CADPS: variants seen among roughly 807,000 people sequenced by gnomAD.
CADPS encodes calcium-dependent secretion activator 1.
Under a neutral mutation model 167.3 loss-of-function variants are expected in CADPS, and 57 were observed. The observed-to-expected ratio is 0.34, with a 90% confidence interval of 0.28 to 0.42. The LOEUF (loss-of-function observed/expected upper bound fraction) is 0.42, where lower values mean the gene tolerates loss of function less well. CADPS is among the 20% of genes least tolerant of loss of function. CADPS has a pLI of 1.00. For synonymous variants in CADPS, 676 were observed against 635.3 expected, an observed-to-expected ratio of 1.06 and a Z score of -0.96; for missense variants, 1,414 against 1,738.1, an observed-to-expected ratio of 0.81 and a Z score of 3.32.
intron 1 of CADPS, among the ~76,000 whole-genome samples, chr3:62,802,576 T>C (rs1177644068): frequency 1.3e-5 from 2 of 152,146 alleles, no homozygotes; most frequent in South Asian, 2.1e-4. Context: ...CTCTGGCTGA[T>C]GGATTTCGAT....
At chr3:62,632,770 G>T (rs746394617) in intron 6 of CADPS, among the ~76,000 whole-genome samples, 2 of 152,112 alleles carry the variant, frequency 1.3e-5, no homozygotes, top group African/African-American at 2.4e-5. Flanking sequence ...GGAAGGGAAT[G>T]CGTTTATTTT....
At chr3:62,521,439 C>G (rs2070557490) in intron 13 of CADPS, among the ~76,000 whole-genome samples, 1 of 152,240 alleles carries the variant, frequency 6.6e-6, no homozygotes, top group East Asian at 1.9e-4. Flanking sequence ...AATAGTAGAG[C>G]TATATTGGTA....
At chr3:62,515,927 G>T (rs144544602) in intron 16 of CADPS, 132 bp downstream of exon 16, 1 of 1,031,624 alleles carries the variant, frequency 9.7e-7, no homozygotes, top group Non-Finnish European at 1.4e-6. Flanking sequence ...GACATTTCAG[G>T]TGCTTCCAGG....
chr3:62,491,366 A>G lies in CADPS; in HGVS notation c.2999T>C (p.Phe1000Ser). 1 of 1,614,136 alleles carries G rather than the reference A, an allele frequency of 6.2e-7. No individual in the cohort carries two copies. Among genetic ancestry groups the G allele is most frequent in the Non-Finnish European group, 8.5e-7 (1 of 1,179,990 alleles). The part of the protein sequence containing the change: ...SSIAQSIHRG[F>S]ERESWEPVKS... ...GACTGGTTCCCATGACTCCCGCTCA[A>G]AGCCCCTGTGAATGGATTGTGCAAT... is the stretch of plus-strand genomic sequence containing the variant. The change falls in exon 21 of 30, where the codon TTT becomes TCT. Residue 1000 changes from phenylalanine (F) to serine (S), a missense_variant. Physicochemically the swap from Phe to Ser is radical, Grantham distance 155 (BLOSUM62 -2). Around this residue, in one of 6 missense-constraint regions of CADPS, gnomAD observed 529 missense variants for 629.6 expected, o/e 0.84. Transcript: ENST00000383710.
intron 13 of CADPS, among the ~76,000 whole-genome samples, chr3:62,520,615 T>C (rs185680055): frequency 1.9e-4 from 29 of 152,326 alleles, no homozygotes; most frequent in Non-Finnish European, 3.7e-4. Context: ...ACTAAGTCTG[T>C]AAGGTACAAG....
intron 3 of CADPS, among the ~76,000 whole-genome samples, chr3:62,700,658 C>T (rs2081221249): frequency 6.6e-6 from 1 of 152,066 alleles, no homozygotes. Context: ...TCAAGAAATG[C>T]ACTTGCACTT....
At chr3:62,816,770 CAG>C (rs2094635570) in intron 1 of CADPS, among the ~76,000 whole-genome samples, 1 of 152,086 alleles carries the variant, frequency 6.6e-6, no homozygotes, top group South Asian at 2.1e-4. Context: ...GCAAACCAAA[CAG>C]AGCTGACATG....
At position 62,467,851 on chromosome 3, in the gene CADPS, T is replaced by A. The variant is rs2060125216; in HGVS notation, c.3478-1438A>T. The stretch of plus-strand genomic sequence containing the variant: ...GACTCATAAGTCTCTGTTTGGGAGA[T>A]CAAGTGAGAGTCTAGATGTGAAAAT... On this transcript the variant is annotated intron_variant, in intron 24 of 29. Transcript: ENST00000383710. Among the ~76,000 whole-genome samples, 3 of 152,172 alleles carry A rather than the reference T, an allele frequency of 2.0e-5. 1 individual carries two copies. The South Asian group carries it at 6.2e-4, about 32-fold the overall frequency.
intron 3 of CADPS, among the ~76,000 whole-genome samples, chr3:62,722,032 C>A (rs2075935885): frequency 6.6e-6 from 1 of 152,328 alleles, no homozygotes; most frequent in Admixed American, 6.5e-5. Flanking sequence ...CATGCATCTC[C>A]TCATTCAGTG....
intron 6 of CADPS, among the ~76,000 whole-genome samples, chr3:62,618,528 T>G (rs1464766772): frequency 6.6e-6 from 1 of 152,162 alleles, no homozygotes; most frequent in Non-Finnish European, 1.5e-5. Context: ...GGAGTTCTGT[T>G]AATTGCACCA....
intron 26 of CADPS, among the ~76,000 whole-genome samples, chr3:62,462,976 G>A (rs2059543006): frequency 6.6e-6 from 1 of 152,194 alleles, no homozygotes; most frequent in Non-Finnish European, 1.5e-5. Flanking sequence ...TTGGCCTGGG[G>A]TGGCCAAGTG....
chr3:62,599,374 T>C (rs186707132), intron 6 of CADPS, among the ~76,000 whole-genome samples: 59 of 149,810 alleles, frequency 3.9e-4, no homozygotes, highest in African/African-American at 1.3e-3. Flanking sequence ...GTGCTTCTAA[T>C]GAATTATCTC....
At chr3:62,516,894 A>G (rs1012102307) in intron 14 of CADPS, among the ~76,000 whole-genome samples, 2 of 152,194 alleles carry the variant, frequency 1.3e-5, no homozygotes, top group African/African-American at 2.4e-5. Flanking sequence ...GAGTGGTGAC[A>G]TAAGGCTCTG....
chr3:62,747,894 A>G (rs1329952249), intron 3 of CADPS, among the ~76,000 whole-genome samples: 1 of 152,162 alleles, frequency 6.6e-6, no homozygotes. Flanking sequence ...TCAGTAAGAG[A>G]AAAACCAGAA....
chr3:62,512,944 G>T (rs542861303), intron 16 of CADPS, among the ~76,000 whole-genome samples, 176 bp from the exon 17 acceptor site: 10 of 152,088 alleles, frequency 6.6e-5, no homozygotes, highest in African/African-American at 1.7e-4. Context: ...AGCAAAAAAG[G>T]CTCCTTCACA....
chr3:62,802,262 AAC>A (rs1177385306), intron 1 of CADPS, among the ~76,000 whole-genome samples: 4 of 152,134 alleles, frequency 2.6e-5, no homozygotes, highest in African/African-American at 9.7e-5. Flanking sequence ...ATACCTGTAA[AAC>A]ACACTCTCAT....
chr3:62,426,143 G>T (rs1357773133), intron 28 of CADPS, among the ~76,000 whole-genome samples: 1 of 151,992 alleles, frequency 6.6e-6, no homozygotes, highest in Non-Finnish European at 1.5e-5. Context: ...TGTGGGGTGT[G>T]TGTTGTTTTT....
At chr3:62,482,481 T>C (rs969453540) in intron 21 of CADPS, among the ~76,000 whole-genome samples, 3 of 152,204 alleles carry the variant, frequency 2.0e-5, no homozygotes, top group African/African-American at 7.2e-5. Flanking sequence ...TATGAAATTG[T>C]ATCAAGAAGA....
intron 1 of CADPS, among the ~76,000 whole-genome samples, chr3:62,863,148 A>G (rs570551339): frequency 3.5e-4 from 53 of 152,328 alleles, no homozygotes; most frequent in African/African-American, 1.3e-3. Context: ...CTCTGCAGTC[A>G]GGAGAAAGAA....
Sources: gnomAD v4.1 joint callset for allele counts (sites outside exome capture counted in the v4.1 genomes callset) on GRCh38, gnomAD v4.1.1 for gene constraint, gnomAD v4.1.1 regional missense constraint, MANE v1.5 for transcripts, NCBI Gene and HGNC (gene_info 2026-07-23, HGNC 2026-07-21) for gene names.